Variants in DEK observed in about 807,000 individuals in gnomAD.
DEK encodes DEK proto-oncogene.
DEK carries 28 observed loss-of-function variants against 46.8 expected under a neutral mutation model. The observed-to-expected ratio is 0.60, with a 90% CI of 0.44 to 0.82. DEK has a LOEUF of 0.82. Ranked by LOEUF, DEK falls within the 40% of genes least tolerant of loss-of-function variation. The pLI is 0.00. For missense variants in DEK, 416 were observed against 430.6 expected (o/e 0.97, Z 0.30); for synonymous variants, 160 against 144.5 (o/e 1.11, Z -0.77).
intron 3 of DEK, 86 bp downstream of exon 3, chr6:18,258,218 C>A: frequency 8.2e-7 from 1 of 1,222,386 alleles, no homozygotes. Context: ...TAAAACACTA[C>A]CTTGCTGATA....
At chr6:18,253,103 A>AT (rs912873446) in intron 6 of DEK, among the ~76,000 whole-genome samples, 1,753 of 137,512 alleles carry the variant, frequency 0.013, 14 homozygotes, top group East Asian at 0.029. Flanking sequence ...AGAACCCCAC[A>AT]TTTTTTTTTT....
At chr6:18,237,268 C>A in intron 8 of DEK, 113 bp downstream of exon 8, 1 of 1,277,562 alleles carries the variant, frequency 7.8e-7, no homozygotes. Flanking sequence ...TTACTTCTCC[C>A]CGCAATGTTC....
At chr6:18,237,046 G>A (rs1323569446) in intron 8 of DEK, 5 of 206,742 alleles carry the variant, frequency 2.4e-5, no homozygotes, top group Non-Finnish European at 4.7e-5. Flanking sequence ...GAGCTGTAAC[G>A]GCACCACTGC....
At chr6:18,243,935 C>T (rs1791000640) in intron 7 of DEK, among the ~76,000 whole-genome samples, 1 of 152,116 alleles carries the variant, frequency 6.6e-6, no homozygotes, top group African/African-American at 2.4e-5. Flanking sequence ...CCACTGTACT[C>T]CAGCCTGGGC....
chr6:18,229,123 A>G (rs984885874), intron 9 of DEK, among the ~76,000 whole-genome samples: 1 of 152,040 alleles, frequency 6.6e-6, no homozygotes, highest in African/African-American at 2.4e-5. Flanking sequence ...CCAGGCAAAC[A>G]GGGTCTGCAG....
intron 9 of DEK, among the ~76,000 whole-genome samples, chr6:18,227,452 T>C (rs1391677061): frequency 6.6e-6 from 1 of 152,186 alleles, no homozygotes; most frequent in Non-Finnish European, 1.5e-5. Flanking sequence ...CACATGTTTA[T>C]CTGCTGACCT....
Position 18,244,470 on chromosome 6 carries a change from A to T in DEK, c.762+5181T>A, listed in dbSNP as rs528403428. 2.2e-5 allele frequency: 25 copies of T among 1,141,450 alleles called. No homozygotes were observed. The African/African-American group carries it at 3.8e-4, about 18-fold the overall frequency. The allele number at this position is 1,141,450 out of a possible 1,614,324, so 70.7% of individuals were successfully genotyped here. A position where few individuals can be genotyped will look rare whatever the true frequency, so the allele number is the denominator to read the frequency against. ...AGAGGAATGACATAAGCACTTTTTG[A>T]AGGAAGGCAAAAAAAATCTTGGGAA... On this transcript the variant is annotated intron_variant, in intron 7 of 10. Transcript: ENST00000652689.
intron 6 of DEK, among the ~76,000 whole-genome samples, chr6:18,255,046 T>C (rs1361911044): frequency 6.6e-6 from 1 of 152,182 alleles, no homozygotes; most frequent in Non-Finnish European, 1.5e-5. Flanking sequence ...CCTGTCAAGA[T>C]GGGGAAGAAT....
intron 7 of DEK, among the ~76,000 whole-genome samples, chr6:18,238,220 A>G (rs1790749345): frequency 6.6e-6 from 1 of 152,116 alleles, no homozygotes; most frequent in Admixed American, 6.6e-5. Context: ...AGTCTCTGGT[A>G]TACAGTAGTT....
At chr6:18,236,330 T>C (rs1025522101) in intron 9 of DEK, 122 bp downstream of exon 9, 5 of 1,034,212 alleles carry the variant, frequency 4.8e-6, no homozygotes, top group East Asian at 2.7e-5. Flanking sequence ...ATCTGGCATA[T>C]AGTAGTTCAA....
chr6:18,230,339 G>A (rs1288277191), intron 9 of DEK, among the ~76,000 whole-genome samples: 1 of 152,110 alleles, frequency 6.6e-6, no homozygotes, highest in African/African-American at 2.4e-5. Flanking sequence ...AAAATAACCA[G>A]CTAACATCAT....
intron 6 of DEK, among the ~76,000 whole-genome samples, chr6:18,251,841 A>G (rs1333952415): frequency 3.3e-5 from 5 of 152,182 alleles, no homozygotes; most frequent in Non-Finnish European, 7.4e-5. Context: ...ATATCGAATT[A>G]TTAGTATGAG....
At position 18,240,852 on chromosome 6, in the gene DEK, C is replaced by G. The variant is rs189155147; in HGVS notation, c.763-3336G>C. Among the ~76,000 whole-genome samples, 330 of 152,254 alleles carry G rather than the reference C, an allele frequency of 2.2e-3. 2 individuals are homozygous for G. Among genetic ancestry groups the G allele is most frequent in the African/African-American group, 7.7e-3 (319 of 41,554 alleles). Reference sequence around the variant, plus strand: ...ATACACAGACTGGAAATTATAAACACAGTGAGACAAACTCAATAACAACTG... The same window carrying G: ...ATACACAGACTGGAAATTATAAACAGAGTGAGACAAACTCAATAACAACTG... On this transcript the variant is annotated intron_variant, in intron 7 of 10. Coordinates refer to ENST00000652689, the MANE Select transcript of DEK (RefSeq NM_003472.4).
intron 9 of DEK, among the ~76,000 whole-genome samples, chr6:18,236,057 G>C (rs1035261306): frequency 1.3e-5 from 2 of 152,148 alleles, no homozygotes; most frequent in African/African-American, 2.4e-5. Context: ...TCTGAGTTAA[G>C]AACCTAATCT....
At chr6:18,232,063 C>A (rs188207850) in intron 9 of DEK, among the ~76,000 whole-genome samples, 94 of 152,242 alleles carry the variant, frequency 6.2e-4, no homozygotes, top group African/African-American at 2.2e-3. Flanking sequence ...GTTCAACACA[C>A]GCAAATCAAC....
chr6:18,241,528 T>C (rs571535756), intron 7 of DEK, among the ~76,000 whole-genome samples: 5 of 152,198 alleles, frequency 3.3e-5, no homozygotes, highest in Non-Finnish European at 7.3e-5. Flanking sequence ...CCCTACTTTA[T>C]GGAAGGTATT....
chr6:18,263,300 G>A (rs181119943), intron 2 of DEK, among the ~76,000 whole-genome samples: 132 of 152,234 alleles, frequency 8.7e-4, no homozygotes, highest in Middle Eastern at 3.4e-3. Context: ...ACTTTCTCAA[G>A]TAGCAACAGC....
chr6:18,247,711 G>A (rs1300007021), intron 7 of DEK, among the ~76,000 whole-genome samples: 3 of 150,788 alleles, frequency 2.0e-5, no homozygotes, highest in Admixed American at 2.0e-4. Context: ...TTCGCTCGTT[G>A]CTCAGGCTGG....
chr6:18,249,521 T>A, intron 7 of DEK, 130 bp downstream of exon 7: 1 of 1,338,906 alleles, frequency 7.5e-7, no homozygotes, highest in East Asian at 2.7e-5. Flanking sequence ...GGGTTCATAC[T>A]TAATCATTTC....
Sources: gnomAD v4.1 joint callset for allele counts (sites outside exome capture counted in the v4.1 genomes callset) on GRCh38, gnomAD v4.1.1 for gene constraint, MANE v1.5 for transcripts, NCBI Gene and HGNC (gene_info 2026-07-23, HGNC 2026-07-21) for gene names.